Variants in FGG observed in about 807,000 individuals in gnomAD.
FGG encodes the protein fibrinogen, gamma polypeptide.
A neutral mutation model predicts 51.7 loss-of-function variants in FGG; 20 were observed. The observed-to-expected ratio is 0.39, with a 90% CI of 0.27 to 0.56. The LOEUF (loss-of-function observed/expected upper bound fraction) is 0.56. Among genes scored for constraint, FGG ranks in the 20% least tolerant of loss-of-function variants. FGG has a pLI of 0.64. For missense variants in FGG, 460 were observed against 534.2 expected (o/e 0.86, Z 1.37); for synonymous variants, 184 against 184.7 (o/e 1.00, Z 0.03).
At chr4:154,608,401 G>T in intron 7 of FGG, 65 bp downstream of exon 7, 2 of 1,473,544 alleles carry the variant, frequency 1.4e-6, no homozygotes, top group South Asian at 1.2e-5. Context: ...TCTATTGATA[G>T]TTGGAAAGTG....
rs529862279 is a variant in FGG at position 154,610,261 on chromosome 4, G to C, written c.402-64C>G. 23 of 1,293,534 alleles carry C rather than the reference G, an allele frequency of 1.8e-5. No homozygotes were observed. The East Asian group carries it at 5.1e-4, about 28-fold the overall frequency. 80.1% of individuals were successfully genotyped at this position (1,293,534 alleles called of 1,614,324 possible). On this transcript the variant is annotated intron_variant, in intron 4 of 8. Transcript: ENST00000336098. ...AAAAATAAGTATTCCTTTCAGAAGA[G>C]TAATTTTATATTTTCTTTGGAAACT...
rs755082825 is a variant in FGG at position 154,606,724 on chromosome 4, G to A, written c.1110C>T (p.Leu370=). 1 of 1,613,862 alleles carries A rather than the reference G, an allele frequency of 6.2e-7. No homozygotes were observed. The highest frequency in any genetic ancestry group is 1.1e-5 in the South Asian group (1 of 91,076). Residue 370 remains leucine (L), a synonymous_variant, in exon 8 of 9, where the codon CTC becomes CTT. Transcript: ENST00000336098. Reference sequence around the variant, plus strand: ...ACATACCTTGGTAATAAACTCCATTGAGATGGCCAGCGTGACACTTGTTCA... The same window carrying A: ...ACATACCTTGGTAATAAACTCCATTAAGATGGCCAGCGTGACACTTGTTCA... ...WWMNKCHAGH[L]NGVYYQGGTY...
At position 154,612,082 on chromosome 4, in the gene FGG, T is replaced by G. The variant is rs1363080443; in HGVS notation, c.243A>C (p.Ser81=). Residue 81 remains serine (S), a synonymous_variant, in exon 3 of 9, where the codon TCA becomes TCC. Coordinates refer to ENST00000336098, the MANE Select transcript of FGG (RefSeq NM_021870.3). ...TTGCTTTTATCAGCTGTTTGACTTC[T>G]GATGTTTTGTTTTCAACTTGATGTA... The part of the protein sequence containing the change: ...DILHQVENKT[S]EVKQLIKAIQ... The G allele has an allele frequency of 6.2e-7, 1 of 1,612,872 alleles. No individual in the cohort carries two copies. The highest frequency in any genetic ancestry group is 1.3e-5 in the African/African-American group (1 of 74,920).
intron 4 of FGG, 115 bp downstream of exon 4, chr4:154,611,690 T>C: frequency 1.4e-6 from 1 of 708,136 alleles, no homozygotes; most frequent in East Asian, 2.7e-5. Context: ...AGGCATAATG[T>C]CACTGGGATA....
At chr4:154,609,602 T>C (rs997114351) in intron 6 of FGG, 28 bp downstream of exon 6, 1 of 1,613,294 alleles carries the variant, frequency 6.2e-7, no homozygotes, top group African/African-American at 1.3e-5. Context: ...AGGAATTTAT[T>C]AAATACACAT....
Position 154,610,206 on chromosome 4 carries a change from A to G in FGG, c.402-9T>C, listed in dbSNP as rs749040538. 1 of 1,544,548 alleles carries G rather than the reference A, an allele frequency of 6.5e-7. No individual in the cohort carries two copies. ...ATATTTCCTGCAAATATCTACAAAC[A>G]GAAACATAAGATAACAAAAATAAGA... On this transcript the variant is annotated splice_polypyrimidine_tract_variant and intron_variant, in intron 4 of 8. Coordinates refer to ENST00000336098, the MANE Select transcript of FGG (RefSeq NM_021870.3).
chr4:154,604,838 A>T lies in FGG; in HGVS notation c.1358T>A (p.Leu453Ter). 6.2e-7 allele frequency: 1 copy of T among 1,613,994 alleles called. No homozygotes were observed. The highest frequency in any genetic ancestry group is 8.5e-7 in the Non-Finnish European group (1 of 1,179,946). The stretch of plus-strand genomic sequence containing the variant: ...TAGAAGTTAGCAGTTAATTTTCTAC[A>T]AATCATCCTCAGGGTAAAGTGAGTC... Reference protein sequence around the residue: ...EYDSLYPEDDL With the variant: ...EYDSLYPEDD The change falls in exon 9 of 9, where the codon TTG becomes TAG. Residue 453 changes from leucine (L) to a stop codon, truncating the protein, a stop_gained. Coordinates refer to ENST00000336098, the MANE Select transcript of FGG (RefSeq NM_021870.3). LOFTEE classifies it high-confidence loss of function.
Position 154,604,709 on chromosome 4 carries a change from C to T in FGG, c.*125G>A, listed in dbSNP as rs1028886762. On this transcript the variant is annotated 3_prime_UTR_variant, in exon 9 of 9. Coordinates refer to ENST00000336098, the MANE Select transcript of FGG (RefSeq NM_021870.3). ...TACAGTCCTAAATGAGTTTTAATTT[C>T]CATTGAAGGCTAAATGTCCTTAATA... The T allele has an allele frequency of 2.3e-4, 341 of 1,509,200 alleles. No individual in the cohort carries two copies. Among genetic ancestry groups the T allele is most frequent in the Non-Finnish European group, 2.9e-4 (330 of 1,133,476 alleles). 93.5% of individuals were successfully genotyped at this position (1,509,200 alleles called of 1,614,324 possible). A position where few individuals can be genotyped will look rare whatever the true frequency, so the allele number is the denominator to read the frequency against.
At chr4:154,605,589 G>C (rs1456160648) in intron 8 of FGG, among the ~76,000 whole-genome samples, 7 of 152,222 alleles carry the variant, frequency 4.6e-5, no homozygotes, top group African/African-American at 1.4e-4. Flanking sequence ...ATGTAATTCT[G>C]TAAAAGGCTT....
chr4:154,607,340 T>G (rs1731119638), intron 7 of FGG, among the ~76,000 whole-genome samples: 3 of 152,232 alleles, frequency 2.0e-5, no homozygotes, highest in African/African-American at 4.8e-5. Flanking sequence ...TGCACACACA[T>G]TATCATAGAT....
At chr4:154,611,081 G>A (rs1022263352) in intron 4 of FGG, among the ~76,000 whole-genome samples, 16 of 151,974 alleles carry the variant, frequency 1.1e-4, no homozygotes, top group African/African-American at 3.6e-4. Flanking sequence ...AGGGCCCTCT[G>A]ATAGCAAAAA....
At chr4:154,608,931 A>G (rs757415630) in intron 6 of FGG, among the ~76,000 whole-genome samples, 52 of 152,160 alleles carry the variant, frequency 3.4e-4, no homozygotes, top group Non-Finnish European at 5.7e-4. Flanking sequence ...TTAAAAAGAC[A>G]CCTAGACGAC....
intron 4 of FGG, 130 bp from the exon 5 acceptor site, chr4:154,610,327 C>T (rs1731184918): frequency 3.0e-6 from 2 of 675,768 alleles, no homozygotes; most frequent in Non-Finnish European, 4.9e-6. Flanking sequence ...ATAAATTATT[C>T]CATTCTTGAG....
rs1219783383 is a variant in FGG at position 154,604,663 on chromosome 4, C to G, written c.*171G>C. 1 of 1,405,986 alleles carries G rather than the reference C, an allele frequency of 7.1e-7. No homozygotes were observed. Among genetic ancestry groups the G allele is most frequent in the Non-Finnish European group, 9.3e-7 (1 of 1,077,450 alleles). The allele number at this position is 1,405,986 out of a possible 1,614,324, so 87.1% of individuals were successfully genotyped here. On this transcript the variant is annotated 3_prime_UTR_variant, in exon 9 of 9. Coordinates refer to ENST00000336098, the MANE Select transcript of FGG (RefSeq NM_021870.3). ...TCAAATAAACAATTTTTAAATAACT[C>G]TGATATCAGTAATTTGGAAATACAG...
rs1263675769 is a variant in FGG, at chr4:154,608,565, T to C, written c.752A>G (p.Glu251Gly). ...AATCTTCTCATTTCCCAGCCAAAATTCTGTTGTGCCAGTAGGAGACAGATG... is the reference window on the plus strand; with the variant it reads ...AATCTTCTCATTTCCCAGCCAAAATCCTGTTGTGCCAGTAGGAGACAGATG... ...FGHLSPTGTTEFWLGNEKIHL... is the reference protein window; with the variant it reads ...FGHLSPTGTTGFWLGNEKIHL... The change falls in exon 7 of 9, where the codon GAA becomes GGA. Residue 251 changes from glutamate (E) to glycine (G), a missense_variant. Glu to Gly is a moderately conservative substitution (Grantham distance 98). Transcript: ENST00000336098. 4 of 1,613,914 alleles carry C rather than the reference T, an allele frequency of 2.5e-6. No homozygotes were observed. The highest frequency in any genetic ancestry group is 3.4e-6 in the Non-Finnish European group (4 of 1,179,884).
chr4:154,605,156 G>A (rs1731075627), intron 8 of FGG, 90 bp from the exon 9 acceptor site: 1 of 1,327,166 alleles, frequency 7.5e-7, no homozygotes. Flanking sequence ...GAAGTGCATT[G>A]CCAGTTACAT....
At chr4:154,610,716 C>G (rs930463467) in intron 4 of FGG, among the ~76,000 whole-genome samples, 7 of 152,076 alleles carry the variant, frequency 4.6e-5, no homozygotes, top group Non-Finnish European at 1.0e-4. Flanking sequence ...AAGCTTCAAT[C>G]TAAAATATAA....
intron 6 of FGG, 36 bp from the exon 7 acceptor site, chr4:154,608,686 A>G (rs1731146888): frequency 6.4e-7 from 1 of 1,570,512 alleles, no homozygotes; most frequent in African/African-American, 1.3e-5. Flanking sequence ...AGGAGAAAAT[A>G]GACTATCAAT....
intron 8 of FGG, 27 bp downstream of exon 8, chr4:154,606,678 C>T (rs1731102287): frequency 6.2e-7 from 1 of 1,611,864 alleles, no homozygotes; most frequent in Non-Finnish European, 8.5e-7. Flanking sequence ...TATACATTAA[C>T]TTGGAATCTA....
Sources: allele counts gnomAD v4.1 joint callset (sites outside exome capture counted in the v4.1 genomes callset), GRCh38; gene constraint gnomAD v4.1.1; transcripts MANE v1.5; gene names NCBI Gene and HGNC (gene_info 2026-07-23, HGNC 2026-07-21).